Variants in CLDN16 observed in about 807,000 individuals in gnomAD.
The protein encoded by CLDN16 is claudin-16.
Under a neutral mutation model 24.6 loss-of-function variants are expected in CLDN16, and 13 were observed. That is an observed-to-expected ratio of 0.53 (90% CI 0.34 to 0.84). The LOEUF (loss-of-function observed/expected upper bound fraction) is 0.84. Among genes scored for constraint, CLDN16 ranks in the 40% least tolerant of loss-of-function variants. The pLI is 0.01. For missense variants in CLDN16, 298 were observed against 292.7 expected (o/e 1.02, Z -0.13); for synonymous variants, 116 against 106.7 (o/e 1.09, Z -0.54).
chr3:190,396,525 T>C (rs1718820971), intron 1 of CLDN16, among the ~76,000 whole-genome samples: 1 of 152,218 alleles, frequency 6.6e-6, no homozygotes, highest in Admixed American at 6.5e-5. Flanking sequence ...GCACCTATTA[T>C]GTATCAAGAG....
intron 2 of CLDN16, among the ~76,000 whole-genome samples, chr3:190,404,080 G>T (rs984635049): frequency 4.6e-5 from 7 of 152,116 alleles, no homozygotes; most frequent in African/African-American, 1.7e-4. Context: ...TATGGGGGTA[G>T]AGAAATAAGT....
intron 1 of CLDN16, among the ~76,000 whole-genome samples, chr3:190,336,998 C>A (rs1717326054): frequency 6.6e-6 from 1 of 152,206 alleles, no homozygotes; most frequent in Admixed American, 6.5e-5. Flanking sequence ...ACTCAATCAG[C>A]TCACACTTGT....
chr3:190,302,706 G>A, the CLDN16 span, among the ~76,000 whole-genome samples: 1 of 151,464 alleles, frequency 6.6e-6, no homozygotes, highest in Admixed American at 6.6e-5. Context: ...GGGAGGTGGA[G>A]GTTGCAGTGA....
intron 1 of CLDN16, among the ~76,000 whole-genome samples, chr3:190,394,369 T>C (rs910829884): frequency 1.3e-5 from 2 of 152,216 alleles, no homozygotes; most frequent in Admixed American, 6.5e-5. Flanking sequence ...CTAGTATGAT[T>C]AAAATTTTAT....
intron 3 of CLDN16, among the ~76,000 whole-genome samples, chr3:190,378,491 A>G (rs2108651546): frequency 6.6e-6 from 1 of 152,154 alleles, no homozygotes; most frequent in East Asian, 1.9e-4. Flanking sequence ...GATAAATTCA[A>G]GGGAATGAAG....
intron 1 of CLDN16, among the ~76,000 whole-genome samples, chr3:190,389,418 G>A (rs1189533403): frequency 6.6e-6 from 1 of 152,170 alleles, no homozygotes; most frequent in African/African-American, 2.4e-5. Context: ...ATACTCGACT[G>A]AGTTTATATA....
chr3:190,409,876 ACTT>A (rs1334677102), intron 4 of CLDN16, 24 bp from the exon 5 acceptor site: 1 of 1,609,248 alleles, frequency 6.2e-7, no homozygotes, highest in East Asian at 2.2e-5. Flanking sequence ...ACTGAGTTCT[ACTT>A]ATTTTTATAT....
At chr3:190,334,215 C>T (rs1250424630) in intron 1 of CLDN16, among the ~76,000 whole-genome samples, 4 of 152,116 alleles carry the variant, frequency 2.6e-5, no homozygotes, top group African/African-American at 4.8e-5. Context: ...TAAAACTATA[C>T]GTGTGTGTTT....
In CLDN16 at chr3:190,401,578, A is replaced by G. The variant is rs1718963743; in HGVS notation, c.115-759A>G. On this transcript the variant is annotated intron_variant, in intron 1 of 4. Coordinates refer to ENST00000264734, the MANE Select transcript of CLDN16 (RefSeq NM_006580.4). ...ATCTATTGTGACTTACGGTTTGTAG[A>G]TAAAGTATGAGAAGGTTCAGGGAAC... Among the ~76,000 whole-genome samples, 3 of 152,180 alleles carry G rather than the reference A, an allele frequency of 2.0e-5. No individual in the cohort carries two copies. The South Asian group carries it at 6.2e-4, about 32-fold the overall frequency.
At chr3:190,355,612 T>A (rs1450137030) in intron 1 of CLDN16, among the ~76,000 whole-genome samples, 1 of 151,884 alleles carries the variant, frequency 6.6e-6, no homozygotes. Flanking sequence ...ACTTTACATG[T>A]CATTCTCTAG....
chr3:190,342,148 G>A (rs1204733818), intron 1 of CLDN16, among the ~76,000 whole-genome samples: 3 of 152,224 alleles, frequency 2.0e-5, no homozygotes, highest in Middle Eastern at 3.4e-3. Context: ...TTCCAAAGTC[G>A]CTTCCACATT....
intron 1 of CLDN16, among the ~76,000 whole-genome samples, chr3:190,337,964 T>C (rs1717347941): frequency 6.6e-6 from 1 of 152,202 alleles, no homozygotes; most frequent in South Asian, 2.1e-4. Flanking sequence ...TTTTAATGTA[T>C]AGCTGTAGTA....
intron 1 of CLDN16, among the ~76,000 whole-genome samples, chr3:190,364,236 A>C (rs1255902900): frequency 2.0e-5 from 3 of 151,486 alleles, no homozygotes; most frequent in Non-Finnish European, 4.4e-5. Context: ...TCTGGGCCAG[A>C]TAATAGGACA....
intron 1 of CLDN16, among the ~76,000 whole-genome samples, chr3:190,333,159 CGTT>C (rs1717219462): frequency 6.6e-6 from 1 of 151,972 alleles, no homozygotes; most frequent in African/African-American, 2.4e-5. Flanking sequence ...TTAGCATGTG[CGTT>C]ATGCGGTAAC....
At chr3:190,307,880 T>C in the CLDN16 span, 1 of 164,570 alleles carries the variant, frequency 6.1e-6, no homozygotes, top group Non-Finnish European at 1.3e-5. Context: ...TGGAATTAAA[T>C]ACATTTACCT....
At chr3:190,308,438 A>G in the CLDN16 span, 6 of 1,613,516 alleles carry the variant, frequency 3.7e-6, no homozygotes, top group South Asian at 1.1e-5. Flanking sequence ...CCAAATTCGT[A>G]CCTAAAAGGA....
upstream of CLDN16, among the ~76,000 whole-genome samples, chr3:190,385,413 A>G (rs1365226071): frequency 6.6e-6 from 1 of 152,152 alleles, no homozygotes; most frequent in Non-Finnish European, 1.5e-5. Flanking sequence ...GGCCTCACTC[A>G]CAGAAATTCA....
At chr3:190,310,057 C>T in the CLDN16 span, 1 of 838,808 alleles carries the variant, frequency 1.2e-6, no homozygotes, top group Admixed American at 2.0e-5. Flanking sequence ...GTAGGTTTGA[C>T]ATAAAATTCT....
At chr3:190,332,785 T>TG (rs1717211798) in intron 1 of CLDN16, among the ~76,000 whole-genome samples, 1 of 151,908 alleles carries the variant, frequency 6.6e-6, no homozygotes, top group Non-Finnish European at 1.5e-5. Flanking sequence ...TTTTTTTTTT[T>TG]TTGTTACAAG....
Sources: allele counts gnomAD v4.1 joint callset (sites outside exome capture counted in the v4.1 genomes callset), GRCh38; gene constraint gnomAD v4.1.1; transcripts MANE v1.5; gene names NCBI Gene and HGNC (gene_info 2026-07-23, HGNC 2026-07-21).